FGF13: variants seen among roughly 807,000 people sequenced by gnomAD.
FGF13 encodes fibroblast growth factor homologous factor 2.
FGF13 carries 2 observed loss-of-function variants against 19.5 expected under a neutral mutation model. The ratio of observed to expected loss-of-function variants is 0.10; its 90% CI spans 0.04 to 0.32. The LOEUF is 0.32. FGF13 is among the 10% of genes least tolerant of loss of function. The probability of loss-of-function intolerance (pLI) is 1.00; values close to 1 mark genes in which losing one functional copy is unlikely to be tolerated. For missense variants in FGF13, 113 were observed against 192.7 expected (o/e 0.59, Z 2.45); for synonymous variants, 72 against 76.9 (o/e 0.94, Z 0.33).
chrX:138,715,634 A>G (rs2090094412), upstream of FGF13, among the ~76,000 whole-genome samples: 1 of 112,045 alleles, frequency 8.9e-6, no homozygotes, highest in Non-Finnish European at 1.9e-5. Flanking sequence ...CTGGGAGCCT[A>G]TGATTATTTT....
intron 3 of FGF13, among the ~76,000 whole-genome samples, chrX:138,693,777 TTTTA>T (rs1455871032): frequency 8.9e-6 from 1 of 111,978 alleles, no homozygotes; most frequent in East Asian, 2.8e-4. Flanking sequence ...TGCTTTTTGA[TTTTA>T]TTTGATAATG....
At chrX:138,998,126 C>T (rs1310016248) in intron 1 of FGF13, among the ~76,000 whole-genome samples, 1 of 111,381 alleles carries the variant, frequency 9.0e-6, no homozygotes, top group South Asian at 3.9e-4. Context: ...TACAGACAAG[C>T]AAATGCTGAG....
rs756115163 is a variant in FGF13, at chrX:138,658,384, C to A, written c.403-22729G>T. 4.5e-5 allele frequency among the ~76,000 whole-genome samples: 5 copies of A among 112,226 alleles called. No homozygotes were observed. The Admixed American group carries it at 4.7e-4, about 11-fold the overall frequency. On this transcript the variant is annotated intron_variant, in intron 3 of 4. Transcript: ENST00000315930. ...GAAACTAATCCTTAAAACCTCTTTT[C>A]TTTTGTATGAATACTTAAATGAAAG...
chrX:139,093,170 G>T (rs2083449327), intron 1 of FGF13, among the ~76,000 whole-genome samples: 1 of 112,255 alleles, frequency 8.9e-6, no homozygotes, highest in Non-Finnish European at 1.9e-5. Context: ...TCATCCCTAT[G>T]AAAAGAGATG....
At chrX:138,766,544 G>A (rs190378248) in intron 3 of FGF13, among the ~76,000 whole-genome samples, 5 of 112,030 alleles carry the variant, frequency 4.5e-5, no homozygotes, top group East Asian at 5.6e-4. Context: ...GTCAAATAAC[G>A]CAACCCATAT....
intron 3 of FGF13, among the ~76,000 whole-genome samples, chrX:138,659,041 G>C (rs946490070): frequency 3.6e-5 from 4 of 111,776 alleles, no homozygotes; most frequent in African/African-American, 1.3e-4. Context: ...CTTGAAAGTT[G>C]ATCTTCTTAT....
At chrX:139,143,246 T>C (rs1490178065) in intron 1 of FGF13, among the ~76,000 whole-genome samples, 9 of 111,694 alleles carry the variant, frequency 8.1e-5, no homozygotes, top group Non-Finnish European at 1.5e-4. Context: ...ATTTATGTGG[T>C]AATCTGGGTT....
chrX:139,129,337 T>C (rs2083744361), intron 1 of FGF13, among the ~76,000 whole-genome samples: 1 of 111,070 alleles, frequency 9.0e-6, no homozygotes, highest in Non-Finnish European at 1.9e-5. Context: ...ATATGTGTAT[T>C]TTAAGGCTCC....
rs185252112 is a variant in FGF13, at chrX:138,961,189, G to A, written c.-112-96539C>T. Among the ~76,000 whole-genome samples the A allele has an allele frequency of 4.9e-3, 547 of 111,498 alleles. 6 individuals carry two copies. The highest frequency in any genetic ancestry group is 0.017 in the African/African-American group (509 of 30,680). ...TTGATGATGGTGACCTACAGATGGG[G>A]TTTTGGTGTGGATGTACTTTTTGTT... On this transcript the variant is annotated intron_variant, in intron 1 of 2. Transcript: ENST00000421460.
chrX:139,074,248 T>C (rs1448824504), intron 1 of FGF13, among the ~76,000 whole-genome samples: 3 of 112,493 alleles, frequency 2.7e-5, no homozygotes, highest in Non-Finnish European at 5.6e-5. Context: ...AGTAATTTAA[T>C]ACAATTCTGA....
At position 138,629,529 on chromosome X, in the gene FGF13, C is replaced by T. The variant is rs1468803820; in HGVS notation, c.*3321G>A. 1 of 111,194 alleles carries T rather than the reference C, an allele frequency of 9.0e-6. No individual in the cohort carries two copies. The highest frequency in any genetic ancestry group is 2.8e-4 in the East Asian group (1 of 3,537). 9.2% of individuals were successfully genotyped at this position (111,194 alleles called of 1,213,427 possible). ...CACTAAATCTGTTTGATAAGTGGCGCTTTCCCATTCTCTCTCCTGCTGCCA... is the reference window on the plus strand; with the variant it reads ...CACTAAATCTGTTTGATAAGTGGCGTTTTCCCATTCTCTCTCCTGCTGCCA... On this transcript the variant is annotated 3_prime_UTR_variant, in exon 5 of 5. Coordinates refer to ENST00000315930, the MANE Select transcript of FGF13 (RefSeq NM_004114.5).
At chrX:139,108,846 A>AC (rs2083579747) in intron 1 of FGF13, among the ~76,000 whole-genome samples, 1 of 37,588 alleles carries the variant, frequency 2.7e-5, no homozygotes, top group African/African-American at 1.0e-4. Context: ...CCCCAACCCC[A>AC]CCCCCCAACA....
At position 138,615,602 on chromosome X, in the gene FGF13, CT is replaced by C. The variant is rs1227248370; in HGVS notation, c.*17247del. 4 of 111,013 alleles carry C rather than the reference CT, an allele frequency of 3.6e-5. No individual in the cohort carries two copies. Among genetic ancestry groups the C allele is most frequent in the Admixed American group, 9.6e-5 (1 of 10,419 alleles). The allele number at this position is 111,013 out of a possible 1,213,427, so 9.1% of individuals were successfully genotyped here. ...AAAATTGTTTCAGATGTATTATTTT[CT>C]GGTACCATAGATAAAGAATAAGGAT... is the stretch of plus-strand genomic sequence containing the variant. On this transcript the variant is annotated 3_prime_UTR_variant, in exon 5 of 5. Transcript: ENST00000315930.
rs773935817 is a variant in FGF13, at chrX:138,976,210, G to A, written c.-112-111560C>T. On this transcript the variant is annotated intron_variant, in intron 1 of 2. Transcript: ENST00000421460. ...AATCATTGTTAATAAATACGTTTAC[G>A]CTGGAAACATGTGAGAGCTTTCAAC... 4.5e-5 allele frequency among the ~76,000 whole-genome samples: 5 copies of A among 111,224 alleles called. No individual in the cohort carries two copies. In the South Asian group the frequency reaches 1.2e-3, roughly 26 times the overall value.
At chrX:138,720,344 C>T (rs1024705087) in intron 1 of FGF13, among the ~76,000 whole-genome samples, 4 of 112,033 alleles carry the variant, frequency 3.6e-5, no homozygotes. Flanking sequence ...ACTTTGTTTA[C>T]TCTTTTAATA....
chrX:138,774,715 A>C (rs763134803), intron 3 of FGF13, among the ~76,000 whole-genome samples: 9 of 111,799 alleles, frequency 8.1e-5, no homozygotes, highest in African/African-American at 2.9e-4. Flanking sequence ...GGCAAGGCCC[A>C]TGTATTATTT....
chrX:138,697,134 A>G (rs932910011), intron 3 of FGF13, among the ~76,000 whole-genome samples: 14 of 111,836 alleles, frequency 1.3e-4, no homozygotes, highest in Non-Finnish European at 1.9e-4. Context: ...AGGAAAGCAA[A>G]TCTAAGTTGT....
chrX:138,672,609 G>A (rs906692850), intron 3 of FGF13, among the ~76,000 whole-genome samples: 3 of 111,996 alleles, frequency 2.7e-5, no homozygotes, highest in East Asian at 2.8e-4. Flanking sequence ...ACCGAAATAC[G>A]ATAATCAGGC....
intron 1 of FGF13, among the ~76,000 whole-genome samples, chrX:138,959,561 C>A (rs186301935): frequency 1.4e-3 from 158 of 111,143 alleles, no homozygotes; most frequent in African/African-American, 5.0e-3. Context: ...GCTGAGTTCA[C>A]GTCCTGGATA....
Sources: allele counts gnomAD v4.1 joint callset (sites outside exome capture counted in the v4.1 genomes callset), GRCh38; gene constraint gnomAD v4.1.1; transcripts MANE v1.5; gene names NCBI Gene and HGNC (gene_info 2026-07-23, HGNC 2026-07-21).